The following ANAPC2 variants were observed in gnomAD, a reference collection of about 807,000 sequenced individuals.
ANAPC2 encodes the protein anaphase-promoting complex subunit 2.
A neutral mutation model predicts 84.3 loss-of-function variants in ANAPC2; 29 were observed. The observed-to-expected ratio is 0.34, with a 90% CI of 0.26 to 0.47. The LOEUF (loss-of-function observed/expected upper bound fraction) is 0.47. ANAPC2 is among the 20% of genes least tolerant of loss of function. The pLI is 1.00. For synonymous variants in ANAPC2, 571 were observed against 479.4 expected (o/e 1.19, Z -2.50); for missense variants, 857 against 1,131.7 (o/e 0.76, Z 3.48).
chr9:137,188,520 C>T lies in ANAPC2; in HGVS notation c.13G>A (p.Val5Ile), dbSNP rs1437659238. 1.1e-5 allele frequency: 17 copies of T among 1,608,506 alleles called. No individual in the cohort carries two copies. The highest frequency in any genetic ancestry group is 1.3e-5 in the African/African-American group (1 of 74,884). MAAA[V>I]VVAEGDSDSR... Reference sequence around the variant, plus strand: ...TCGCTGTCCCCCTCCGCCACCACAACTGCCGCCGCCATCTGCACCCACCGA... The same window carrying T: ...TCGCTGTCCCCCTCCGCCACCACAATTGCCGCCGCCATCTGCACCCACCGA... Residue 5 changes from valine (V) to isoleucine (I), a missense_variant, in exon 1 of 13, where the codon GTT becomes ATT. Physicochemically the swap from Val to Ile is conservative, Grantham distance 29. This residue lies in a region of ANAPC2 where 428 missense variants were observed against 513.8 expected (regional missense o/e 0.83). Coordinates refer to ENST00000323927, the MANE Select transcript of ANAPC2 (RefSeq NM_013366.4).
At chr9:137,181,559 CCT>C (rs1834343725) in intron 7 of ANAPC2, 120 bp downstream of exon 7, 1 of 1,138,220 alleles carries the variant, frequency 8.8e-7, no homozygotes, top group Non-Finnish European at 1.2e-6. Flanking sequence ...CACCCTCAAG[CCT>C]CTGAGACACT....
Position 137,187,967 on chromosome 9 carries a change from G to A in ANAPC2, c.254C>T (p.Ala85Val). The A allele has an allele frequency of 1.2e-6, 2 of 1,613,870 alleles. No individual in the cohort carries two copies. The highest frequency in any genetic ancestry group is 1.7e-6 in the Non-Finnish European group (2 of 1,180,034). ...ATTCCAGAACTCAGGGGAGATGTTG[G>A]CCTGCAGATCGTTCTGCAGCACCTC... ...FVEVLQNDLQANISPEFWNAI... is the reference protein window; with the variant it reads ...FVEVLQNDLQVNISPEFWNAI... The change falls in exon 2 of 13, where the codon GCC (alanine) becomes GTC (valine). Residue 85 changes from alanine to valine, a missense_variant. Physicochemically the swap from Ala to Val is moderately conservative, Grantham distance 64. This residue lies in a region of ANAPC2 where 428 missense variants were observed against 513.8 expected (regional missense o/e 0.83). Transcript: ENST00000323927.
At chr9:137,175,573 C>T in intron 11 of ANAPC2, 101 bp from the exon 12 acceptor site, 1 of 1,482,484 alleles carries the variant, frequency 6.7e-7, no homozygotes, top group Non-Finnish European at 9.0e-7. Flanking sequence ...GGCCACCCTG[C>T]CTTGCCCGTG....
At chr9:137,181,648 A>C in intron 7 of ANAPC2, 33 bp downstream of exon 7, 2 of 1,549,154 alleles carry the variant, frequency 1.3e-6, no homozygotes, top group Non-Finnish European at 1.7e-6. Flanking sequence ...CGCCCCCCAC[A>C]CTGGTGAAAG....
At chr9:137,175,877 G>A in intron 10 of ANAPC2, 40 bp from the exon 11 acceptor site, 1 of 1,562,178 alleles carries the variant, frequency 6.4e-7, no homozygotes, top group Non-Finnish European at 8.7e-7. Context: ...CTCGGCTGCA[G>A]GGCGCTCAGG....
chr9:137,180,382 G>A lies in ANAPC2; in HGVS notation c.1689C>T (p.Asp563=). 2.5e-6 allele frequency: 4 copies of A among 1,612,490 alleles called. 1 individual carries two copies. The highest frequency in any genetic ancestry group is 3.4e-6 in the Non-Finnish European group (4 of 1,179,858). ...CATTGATGCGGCGGGAGTCCGCCAT[G>A]TCCTGAGGAGGAGCCGGTGTCACGG... The part of the protein sequence containing the change: ...PMHFCEVMLK[D]MADSRRINAN... The change falls in exon 10 of 13, where the codon GAC becomes GAT. Residue 563 remains aspartate, a splice_region_variant and synonymous_variant. Transcript: ENST00000323927.
At chr9:137,178,857 C>T (rs917652455) in intron 10 of ANAPC2, among the ~76,000 whole-genome samples, 6 of 152,220 alleles carry the variant, frequency 3.9e-5, no homozygotes, top group East Asian at 1.9e-4. Context: ...TGGGGGCCTC[C>T]GCCTGGCCCT....
intron 7 of ANAPC2, 112 bp downstream of exon 7, chr9:137,181,569 A>G (rs1413034039): frequency 4.1e-6 from 5 of 1,217,560 alleles, no homozygotes; most frequent in Non-Finnish European, 3.3e-6. Flanking sequence ...CCTCTGAGAC[A>G]CTAGCGACAC....
chr9:137,175,098 A>G lies in ANAPC2; in HGVS notation c.2313T>C (p.Asp771=). ...MLTNLESLSL[D]RIYNMLRMFV... is the part of the protein sequence containing the mutation. ...ACATGCGGAGCATGTTGTAGATACG[A>G]TCCAGTGAGAGGCTCTCCAGGTTGG... is the stretch of plus-strand genomic sequence containing the variant. The change falls in exon 13 of 13, where the codon GAT becomes GAC. Residue 771 remains aspartate (D), a synonymous_variant. Coordinates refer to ENST00000323927, the MANE Select transcript of ANAPC2 (RefSeq NM_013366.4). 6.2e-7 allele frequency: 1 copy of G among 1,609,362 alleles called. No individual in the cohort carries two copies. Among genetic ancestry groups the G allele is most frequent in the Non-Finnish European group, 8.5e-7 (1 of 1,178,466 alleles).
chr9:137,182,869 G>A (rs1834374201), intron 6 of ANAPC2, among the ~76,000 whole-genome samples: 1 of 152,250 alleles, frequency 6.6e-6, no homozygotes, highest in African/African-American at 2.4e-5. Context: ...GAGATGGGGA[G>A]GCTGAGGAAG....
In ANAPC2 at chr9:137,185,093, A is replaced by C. The variant is rs763264173; in HGVS notation, c.874-6T>G. On this transcript the variant is annotated splice_polypyrimidine_tract_variant and splice_region_variant and intron_variant, in intron 3 of 12. Coordinates refer to ENST00000323927, the MANE Select transcript of ANAPC2 (RefSeq NM_013366.4). ...CCGACCACCCGCTCGATCCACTGTC[A>C]GGAGAACGCTAGTGTGAGCTGCAGG... 6.5e-7 allele frequency: 1 copy of C among 1,535,564 alleles called. No individual in the cohort carries two copies. The highest frequency in any genetic ancestry group is 8.8e-7 in the Non-Finnish European group (1 of 1,140,946).
At chr9:137,188,308 C>T in intron 1 of ANAPC2, 108 bp downstream of exon 1, 2 of 1,352,628 alleles carry the variant, frequency 1.5e-6, no homozygotes, top group South Asian at 2.6e-5. Flanking sequence ...CAGGACAGGA[C>T]AGAGGCGGAT....
At chr9:137,176,380 G>C (rs1047882777) in intron 10 of ANAPC2, 2 of 152,492 alleles carry the variant, frequency 1.3e-5, no homozygotes, top group African/African-American at 4.8e-5. Flanking sequence ...CCAAAACTAA[G>C]ACAATCTATT....
intron 5 of ANAPC2, 80 bp downstream of exon 5, chr9:137,183,592 A>C: frequency 1.3e-6 from 2 of 1,535,496 alleles, no homozygotes; most frequent in Non-Finnish European, 1.8e-6. Context: ...CTGGCAGACT[A>C]GGCCCCAGGC....
At chr9:137,177,466 T>C (rs1834247950) in intron 10 of ANAPC2, among the ~76,000 whole-genome samples, 1 of 152,084 alleles carries the variant, frequency 6.6e-6, no homozygotes, top group African/African-American at 2.4e-5. Context: ...CTTGTTTAGA[T>C]CTATTTACGT....
intron 3 of ANAPC2, 98 bp downstream of exon 3, chr9:137,186,126 C>T: frequency 6.5e-7 from 1 of 1,533,034 alleles, no homozygotes; most frequent in Admixed American, 1.8e-5. Flanking sequence ...CCCACCCAGG[C>T]CTCCGTGCTC....
intron 8 of ANAPC2, 57 bp downstream of exon 8, chr9:137,180,731 G>A: frequency 6.3e-7 from 1 of 1,591,282 alleles, no homozygotes; most frequent in Non-Finnish European, 8.5e-7. Context: ...TGTCCCGAGA[G>A]AGGCTGGGCA....
intron 7 of ANAPC2, among the ~76,000 whole-genome samples, chr9:137,181,473 A>C (rs1018371849): frequency 4.1e-4 from 62 of 152,304 alleles, no homozygotes; most frequent in African/African-American, 1.4e-3. Flanking sequence ...GGCCAGAGTG[A>C]CCAGCCACAG....
In ANAPC2 at chr9:137,180,779, AG is replaced by A; in HGVS notation, c.1610+8del. The A allele has an allele frequency of 6.2e-7, 1 of 1,609,168 alleles. No homozygotes were observed. The highest frequency in any genetic ancestry group is 8.5e-7 in the Non-Finnish European group (1 of 1,179,130). ...CCCCTGGAGATGGCCAGCGCGTCAC[AG>A]GCCTCACCGCTCGGGGCTGAAGCTG... On this transcript the variant is annotated splice_region_variant and intron_variant, in intron 8 of 12. Transcript: ENST00000323927.
Sources: allele counts gnomAD v4.1 joint callset (sites outside exome capture counted in the v4.1 genomes callset), GRCh38; gene constraint gnomAD v4.1.1; regional missense constraint gnomAD v4.1.1; transcripts MANE v1.5; gene names NCBI Gene and HGNC (gene_info 2026-07-23, HGNC 2026-07-21).